POLA2: variants seen among roughly 807,000 people sequenced by gnomAD.
POLA2 encodes the protein DNA polymerase alpha 2, accessory subunit, also known as DNA polymerase alpha subunit B.
POLA2 carries 47 observed loss-of-function variants against 82.8 expected under a neutral mutation model. That is an observed-to-expected ratio of 0.57 (90% CI 0.45 to 0.72). POLA2 has a LOEUF of 0.72. Among genes scored for constraint, POLA2 ranks in the 30% least tolerant of loss-of-function variants. The pLI, the probability that POLA2 is intolerant of heterozygous loss-of-function variation, is 0.00. For synonymous variants in POLA2, 287 were observed against 286.8 expected, an observed-to-expected ratio of 1.00 and a Z score of -0.01; for missense variants, 634 against 728.1, an observed-to-expected ratio of 0.87 and a Z score of 1.49.
At chr11:65,277,601 A>T (rs1949595398) in intron 5 of POLA2, among the ~76,000 whole-genome samples, 1 of 152,178 alleles carries the variant, frequency 6.6e-6, no homozygotes, top group Admixed American at 6.5e-5. Flanking sequence ...GTATGTAGGG[A>T]TGGTTCTTAT....
intron 2 of POLA2, 51 bp from the exon 3 acceptor site, chr11:65,267,426 C>T (rs1283864778): frequency 1.9e-6 from 2 of 1,079,338 alleles, no homozygotes; most frequent in South Asian, 1.4e-5. Context: ...GAAAACACCT[C>T]TGCTATTACT....
Position 65,282,551 on chromosome 11 carries a change from A to G in POLA2, c.1006+30A>G, listed in dbSNP as rs774102875. On this transcript the variant is annotated intron_variant, in intron 10 of 17. Coordinates refer to ENST00000265465, the MANE Select transcript of POLA2 (RefSeq NM_002689.4). ...GTTTCGGTTCAAATATTGTTTTGCC[A>G]ACAATGAGGATGGTAGACATGAGTC... The G allele has an allele frequency of 8.8e-6, 14 of 1,587,514 alleles. No individual in the cohort carries two copies. The South Asian group carries it at 8.8e-5, about 10-fold the overall frequency.
At chr11:65,301,988 C>T (rs1253615223), downstream of POLA2, among the ~76,000 whole-genome samples, 3 of 152,164 alleles carry the variant, frequency 2.0e-5, no homozygotes, top group Admixed American at 6.5e-5. Flanking sequence ...CATCCTGCCC[C>T]GCCTCTTCCC....
chr11:65,296,129 C>T, intron 17 of POLA2, 139 bp downstream of exon 17: 1 of 874,992 alleles, frequency 1.1e-6, no homozygotes, highest in Non-Finnish European at 1.8e-6. Context: ...GGCCTTGTTT[C>T]TTTGGGGAGG....
intron 4 of POLA2, among the ~76,000 whole-genome samples, chr11:65,269,559 CAG>C (rs1053228318): frequency 3.3e-5 from 5 of 151,350 alleles, no homozygotes; most frequent in Non-Finnish European, 7.4e-5. Flanking sequence ...GTGAATGAAA[CAG>C]ACATGGATGG....
At chr11:65,284,492 A>G (rs1000599585) in intron 10 of POLA2, among the ~76,000 whole-genome samples, 1 of 147,782 alleles carries the variant, frequency 6.8e-6, no homozygotes, top group Non-Finnish European at 1.5e-5. Flanking sequence ...AAAAAAATAT[A>G]TGTATGTATT....
At chr11:65,263,220 CTT>C (rs547474910) in intron 1 of POLA2, among the ~76,000 whole-genome samples, 148 of 123,190 alleles carry the variant, frequency 1.2e-3, no homozygotes, top group African/African-American at 3.8e-3. Flanking sequence ...CTCTCTCTCT[CTT>C]TTTTTTTTTT....
chr11:65,286,036 G>C (rs1024862501), intron 10 of POLA2, among the ~76,000 whole-genome samples: 5 of 152,148 alleles, frequency 3.3e-5, no homozygotes, highest in African/African-American at 1.2e-4. Context: ...TTGCCCGTGT[G>C]ATTAAGTTAA....
At chr11:65,269,439 A>G (rs1046996707) in intron 4 of POLA2, among the ~76,000 whole-genome samples, 1 of 151,502 alleles carries the variant, frequency 6.6e-6, no homozygotes, top group Non-Finnish European at 1.5e-5. Context: ...GTGAGCCGAG[A>G]TCGCGCTACT....
intron 1 of POLA2, among the ~76,000 whole-genome samples, chr11:65,263,082 A>G (rs1949417155): frequency 2.6e-5 from 4 of 152,118 alleles, no homozygotes. Flanking sequence ...ATCGGTATGA[A>G]TGTGCACCTG....
At chr11:65,266,329 ATC>A (rs1286010483) in intron 1 of POLA2, among the ~76,000 whole-genome samples, 2 of 151,952 alleles carry the variant, frequency 1.3e-5, no homozygotes, top group Non-Finnish European at 2.9e-5. Context: ...AGCCACCATC[ATC>A]TCTCACCTGG....
At chr11:65,305,760 G>A (rs78881916), downstream of POLA2, among the ~76,000 whole-genome samples, 938 of 152,264 alleles carry the variant, frequency 6.2e-3, 7 homozygotes, top group African/African-American at 0.021. Flanking sequence ...AATGTATTCC[G>A]CAGCAGCGCT....
intron 5 of POLA2, 47 bp downstream of exon 5, chr11:65,276,045 C>A (rs779717407): frequency 2.8e-6 from 3 of 1,067,524 alleles, no homozygotes; most frequent in Non-Finnish European, 4.1e-6. Context: ...GCCTCCCCTC[C>A]CCTTTCTCTG....
At chr11:65,292,563 T>G (rs1949766328) in intron 13 of POLA2, among the ~76,000 whole-genome samples, 1 of 152,228 alleles carries the variant, frequency 6.6e-6, no homozygotes, top group African/African-American at 2.4e-5. Flanking sequence ...GAGCACAGAT[T>G]GTCCCATTCA....
intron 12 of POLA2, 148 bp from the exon 13 acceptor site, chr11:65,289,651 T>C: frequency 1.7e-6 from 1 of 597,476 alleles, no homozygotes; most frequent in Non-Finnish European, 3.0e-6. Flanking sequence ...CTTAGCTCCT[T>C]AAGACAAAGA....
intron 8 of POLA2, 78 bp from the exon 9 acceptor site, chr11:65,281,592 T>G: frequency 9.4e-7 from 1 of 1,067,020 alleles, no homozygotes; most frequent in Admixed American, 1.8e-5. Flanking sequence ...GACAATGCTT[T>G]TAACTGCCTC....
chr11:65,295,652 G>C (rs376986187), intron 16 of POLA2, 53 bp downstream of exon 16: 1 of 1,498,120 alleles, frequency 6.7e-7, no homozygotes, highest in Non-Finnish European at 9.3e-7. Flanking sequence ...TGGGGTCATG[G>C]AGCTATGACA....
At chr11:65,271,596 A>C (rs563511040) in intron 4 of POLA2, among the ~76,000 whole-genome samples, 4 of 152,156 alleles carry the variant, frequency 2.6e-5, no homozygotes, top group African/African-American at 4.8e-5. Flanking sequence ...GCAGTGGCTC[A>C]CACCTGTAAT....
At chr11:65,280,939 T>G in intron 7 of POLA2, 53 bp from the exon 8 acceptor site, 3 of 1,575,602 alleles carry the variant, frequency 1.9e-6, no homozygotes, top group Non-Finnish European at 2.6e-6. Flanking sequence ...CTTCAGATTT[T>G]GAGCTCCTGC....
Sources: allele counts gnomAD v4.1 joint callset (sites outside exome capture counted in the v4.1 genomes callset), GRCh38; gene constraint gnomAD v4.1.1; transcripts MANE v1.5; gene names NCBI Gene and HGNC (gene_info 2026-07-23, HGNC 2026-07-21).